The following IP6K1 variants were observed in gnomAD, a reference collection of about 807,000 sequenced individuals.
The protein encoded by IP6K1 is ATP:1D-myo-inositol-hexakisphosphate phosphotransferase.
In IP6K1, 13 loss-of-function variants were observed where a neutral mutation model predicts 38.3. That is an observed-to-expected ratio of 0.34 (90% CI 0.22 to 0.54). IP6K1 has a LOEUF of 0.54. IP6K1 is among the 20% of genes least tolerant of loss of function. IP6K1 has a pLI of 0.92. For missense variants in IP6K1, 397 were observed against 599.8 expected (o/e 0.66, Z 3.53); for synonymous variants, 212 against 229.9 (o/e 0.92, Z 0.70).
At chr3:49,742,021 G>T (rs747337191) in intron 2 of IP6K1, among the ~76,000 whole-genome samples, 20 of 152,126 alleles carry the variant, frequency 1.3e-4, no homozygotes, top group Non-Finnish European at 1.8e-4. Context: ...TGAGTCTGCA[G>T]TGAGCCATGA....
intron 1 of IP6K1, among the ~76,000 whole-genome samples, chr3:49,765,551 G>A (rs1226890531): frequency 6.7e-6 from 1 of 148,924 alleles, no homozygotes; most frequent in African/African-American, 2.5e-5. Flanking sequence ...TTGGGAGGCT[G>A]AAGCAGAAGA....
chr3:49,735,276 G>A (rs1374766815), intron 3 of IP6K1, among the ~76,000 whole-genome samples: 2 of 152,148 alleles, frequency 1.3e-5, no homozygotes, highest in Non-Finnish European at 2.9e-5. Context: ...GGGATAGGAA[G>A]GCTTGAGCCC....
chr3:49,738,253 G>C lies in IP6K1; in HGVS notation c.393C>G (p.His131Gln). The C allele has an allele frequency of 6.2e-7, 1 of 1,614,200 alleles. No individual in the cohort carries two copies. The stretch of plus-strand genomic sequence containing the variant: ...GGGACAGGCTGGCTTTCTCCTCCTT[G>C]TGGTCACTGCCACTGCCTGACCGGT... ...SLHRSGSGSDHKEEKASLSLE... is the reference protein window; with the variant it reads ...SLHRSGSGSDQKEEKASLSLE... Residue 131 changes from histidine to glutamine, a missense_variant, in exon 3 of 6, where the codon CAC (histidine) becomes CAG (glutamine). By Grantham distance (24) the His-to-Gln change is conservative. Around this residue, in one of 3 missense-constraint regions of IP6K1, gnomAD observed 171 missense variants for 237.0 expected, o/e 0.72. Transcript: ENST00000321599.
chr3:49,766,149 T>C (rs528824629), intron 1 of IP6K1, among the ~76,000 whole-genome samples: 2 of 151,482 alleles, frequency 1.3e-5, no homozygotes, highest in East Asian at 3.9e-4. Context: ...GCACTCCAGC[T>C]TGGGCTTCAG....
intron 3 of IP6K1, among the ~76,000 whole-genome samples, chr3:49,737,216 TAA>T (rs1205538872): frequency 6.6e-6 from 1 of 152,046 alleles, no homozygotes; most frequent in Non-Finnish European, 1.5e-5. Flanking sequence ...CAGCCTGGTT[TAA>T]CTTTTTGAAG....
intron 1 of IP6K1, among the ~76,000 whole-genome samples, chr3:49,750,393 G>C (rs2053262036): frequency 6.6e-6 from 1 of 152,294 alleles, no homozygotes; most frequent in South Asian, 2.1e-4. Flanking sequence ...GAATGGTGCA[G>C]GAGGAGAGTC....
In IP6K1 at chr3:49,763,162, G is replaced by C. The variant is rs981099764; in HGVS notation, c.-128-14994C>G. ...TCTGTCACCCAGGCTGAAGTGTAGT[G>C]GCGCAATCTCGGCTCACTGCAAGCT... On this transcript the variant is annotated intron_variant, in intron 1 of 5. Coordinates refer to ENST00000321599, the MANE Select transcript of IP6K1 (RefSeq NM_153273.4). Among the ~76,000 whole-genome samples, 15 of 144,194 alleles carry C rather than the reference G, an allele frequency of 1.0e-4. No homozygotes were observed. In the East Asian group the frequency reaches 3.1e-3, roughly 30 times the overall value. The allele number at this position is 144,194 out of a possible 152,430, so 94.6% of individuals were successfully genotyped here. A position where few individuals can be genotyped will look rare whatever the true frequency, so the allele number is the denominator to read the frequency against.
In IP6K1 at chr3:49,726,565, A is replaced by C; in HGVS notation, c.*557T>G. 1 of 152,808 alleles carries C rather than the reference A, an allele frequency of 6.5e-6. No individual in the cohort carries two copies. 9.5% of individuals were successfully genotyped at this position (152,808 alleles called of 1,614,324 possible). A position where few individuals can be genotyped will look rare whatever the true frequency, so the allele number is the denominator to read the frequency against. On this transcript the variant is annotated 3_prime_UTR_variant, in exon 6 of 6. Coordinates refer to ENST00000321599, the MANE Select transcript of IP6K1 (RefSeq NM_153273.4). ...AGCTTCATTAATCTAGCCCCATGCT[A>C]AGGTCAGACCGAAGGATGGGTCCAG...
At chr3:49,780,724 G>C (rs1280035761) in intron 1 of IP6K1, among the ~76,000 whole-genome samples, 1 of 152,200 alleles carries the variant, frequency 6.6e-6, no homozygotes, top group Admixed American at 6.5e-5. Flanking sequence ...GCTCTTTCCA[G>C]GCCTTAGTTC....
intron 1 of IP6K1, among the ~76,000 whole-genome samples, chr3:49,754,741 C>A (rs976642707): frequency 2.6e-5 from 4 of 152,122 alleles, no homozygotes; most frequent in Non-Finnish European, 5.9e-5. Context: ...GCTAGGAAGG[C>A]ACTGTCTCTA....
chr3:49,764,928 G>C (rs557026459), intron 1 of IP6K1, among the ~76,000 whole-genome samples: 31 of 144,708 alleles, frequency 2.1e-4, no homozygotes, highest in African/African-American at 7.6e-4. Flanking sequence ...AACTCAAAGA[G>C]ACCCATATGA....
At chr3:49,775,888 C>G (rs1352016631) in intron 1 of IP6K1, among the ~76,000 whole-genome samples, 2 of 151,756 alleles carry the variant, frequency 1.3e-5, no homozygotes, top group Non-Finnish European at 2.9e-5. Flanking sequence ...AAGATCTGTT[C>G]TCCATATTGA....
At chr3:49,754,778 A>G (rs1575317155) in intron 1 of IP6K1, among the ~76,000 whole-genome samples, 1 of 152,328 alleles carries the variant, frequency 6.6e-6, no homozygotes, top group South Asian at 2.1e-4. Flanking sequence ...ATACCTGGTC[A>G]CCAGATTCTT....
At chr3:49,759,644 G>A (rs2080851663) in intron 1 of IP6K1, among the ~76,000 whole-genome samples, 1 of 149,200 alleles carries the variant, frequency 6.7e-6, no homozygotes, top group Non-Finnish European at 1.5e-5. Flanking sequence ...CCATCATGTA[G>A]ATAAAGATTT....
intron 3 of IP6K1, among the ~76,000 whole-genome samples, chr3:49,736,973 C>T (rs929187669): frequency 4.0e-5 from 6 of 151,400 alleles, no homozygotes; most frequent in South Asian, 2.1e-4. Flanking sequence ...AGGGTTTCAC[C>T]GTGTTAGCCA....
intron 1 of IP6K1, among the ~76,000 whole-genome samples, chr3:49,755,437 T>C (rs2108244155): frequency 6.6e-6 from 1 of 152,314 alleles, no homozygotes; most frequent in African/African-American, 2.4e-5. Flanking sequence ...TTAAAATTCA[T>C]AAAATTTGTG....
intron 1 of IP6K1, among the ~76,000 whole-genome samples, chr3:49,760,531 G>A (rs538912013): frequency 4.6e-5 from 7 of 151,638 alleles, no homozygotes; most frequent in Admixed American, 2.6e-4. Flanking sequence ...GGCTGAGGCA[G>A]GAGAATCACT....
At chr3:49,743,549 C>T (rs993165182) in intron 2 of IP6K1, among the ~76,000 whole-genome samples, 3 of 150,724 alleles carry the variant, frequency 2.0e-5, no homozygotes, top group Admixed American at 6.6e-5. Context: ...GTTGTAGTGG[C>T]GTGCCTATAG....
intron 5 of IP6K1, 46 bp downstream of exon 5, chr3:49,728,057 A>G: frequency 6.3e-7 from 1 of 1,577,638 alleles, no homozygotes; most frequent in African/African-American, 1.3e-5. Flanking sequence ...GCACAACCCA[A>G]ATCATGCAAG....
Sources: allele counts gnomAD v4.1 joint callset (sites outside exome capture counted in the v4.1 genomes callset), GRCh38; gene constraint gnomAD v4.1.1; regional missense constraint gnomAD v4.1.1; transcripts MANE v1.5; gene names NCBI Gene and HGNC (gene_info 2026-07-23, HGNC 2026-07-21).